ITPR2: variants seen among roughly 807,000 people sequenced by gnomAD.
ITPR2 encodes inositol 1,4,5-trisphosphate receptor type 2.
Under a neutral mutation model 317.1 loss-of-function variants are expected in ITPR2, and 207 were observed. The ratio of observed to expected loss-of-function variants is 0.65; its 90% CI spans 0.58 to 0.73. ITPR2 has a LOEUF of 0.73. ITPR2 is among the 30% of genes least tolerant of loss of function. The pLI is 0.00. For missense variants in ITPR2, 2,613 were observed against 3,284.0 expected, an observed-to-expected ratio of 0.80 and a Z score of 4.99; for synonymous variants, 1,156 against 1,149.1, an observed-to-expected ratio of 1.01 and a Z score of -0.12.
chr12:26,603,990 T>C (rs1946062207), intron 26 of ITPR2, among the ~76,000 whole-genome samples: 1 of 152,128 alleles, frequency 6.6e-6, no homozygotes, highest in Non-Finnish European at 1.5e-5. Context: ...AATGATGGTG[T>C]TAGGCGCTTG....
At chr12:26,610,905 CAAGAG>C (rs1946248567) in intron 26 of ITPR2, among the ~76,000 whole-genome samples, 1 of 152,218 alleles carries the variant, frequency 6.6e-6, no homozygotes, top group Admixed American at 6.5e-5. Context: ...CAAGCAACAG[CAAGAG>C]AAGAGAAGGC....
rs541622121 is a variant in ITPR2 at position 26,339,116 on chromosome 12, C to T, written c.*281G>A. 24 of 322,258 alleles carry T rather than the reference C, an allele frequency of 7.4e-5. No individual in the cohort carries two copies. The highest frequency in any genetic ancestry group is 2.0e-4 in the South Asian group (4 of 19,540). 20.0% of individuals were successfully genotyped at this position (322,258 alleles called of 1,614,324 possible). A position where few individuals can be genotyped will look rare whatever the true frequency, so the allele number is the denominator to read the frequency against. ...TGCCCCGTGTCTCCTTCCATCCTGCCGCTCCCTGCCCTCTCCAGCCTTTTG... is the reference window on the plus strand; with the variant it reads ...TGCCCCGTGTCTCCTTCCATCCTGCTGCTCCCTGCCCTCTCCAGCCTTTTG... On this transcript the variant is annotated 3_prime_UTR_variant, in exon 57 of 57. Coordinates refer to ENST00000381340, the MANE Select transcript of ITPR2 (RefSeq NM_002223.4).
chr12:26,470,442 A>G (rs999599680), intron 45 of ITPR2, among the ~76,000 whole-genome samples: 1 of 152,228 alleles, frequency 6.6e-6, no homozygotes, highest in Non-Finnish European at 1.5e-5. Flanking sequence ...ATGACTGACA[A>G]AGAGTTATTA....
intron 1 of ITPR2, among the ~76,000 whole-genome samples, chr12:26,795,683 T>C (rs1950423412): frequency 6.6e-6 from 1 of 152,074 alleles, no homozygotes; most frequent in Admixed American, 6.6e-5. Flanking sequence ...TAGAAGCATA[T>C]TATAAAAAGG....
At chr12:26,812,714 T>C (rs1344815286) in intron 1 of ITPR2, among the ~76,000 whole-genome samples, 1 of 152,234 alleles carries the variant, frequency 6.6e-6, no homozygotes, top group East Asian at 1.9e-4. Context: ...ACAAGAGAAG[T>C]GTTATCAGTA....
At chr12:26,526,859 G>A (rs1289326546) in intron 37 of ITPR2, among the ~76,000 whole-genome samples, 1 of 152,160 alleles carries the variant, frequency 6.6e-6, no homozygotes, top group African/African-American at 2.4e-5. Context: ...AAGAAATCAA[G>A]AATGACACCT....
chr12:26,489,619 C>A (rs1030676574), intron 39 of ITPR2, among the ~76,000 whole-genome samples: 1 of 152,122 alleles, frequency 6.6e-6, no homozygotes, highest in African/African-American at 2.4e-5. Flanking sequence ...AAGAACAGCG[C>A]CTTATATTTA....
chr12:26,827,865 T>C (rs1408380061), intron 1 of ITPR2, among the ~76,000 whole-genome samples: 3 of 152,214 alleles, frequency 2.0e-5, no homozygotes, highest in African/African-American at 7.2e-5. Context: ...GAATAAATTG[T>C]CACTAAATAT....
intron 26 of ITPR2, among the ~76,000 whole-genome samples, chr12:26,618,165 T>G (rs550101899): frequency 6.6e-6 from 1 of 152,320 alleles, no homozygotes; most frequent in South Asian, 2.1e-4. Context: ...TTAGAACCAT[T>G]CCCTTTAAAA....
intron 54 of ITPR2, among the ~76,000 whole-genome samples, chr12:26,393,312 C>T (rs544300932): frequency 6.6e-6 from 1 of 152,304 alleles, no homozygotes; most frequent in South Asian, 2.1e-4. Flanking sequence ...TAGCACAACC[C>T]CCAAATATCC....
intron 13 of ITPR2, among the ~76,000 whole-genome samples, chr12:26,670,201 C>T (rs1040883376): frequency 3.3e-5 from 5 of 152,252 alleles, no homozygotes; most frequent in Non-Finnish European, 5.9e-5. Flanking sequence ...AGCATTGGTT[C>T]TCCCAGCATG....
intron 26 of ITPR2, among the ~76,000 whole-genome samples, chr12:26,605,388 AT>A (rs11383259): frequency 6.6e-6 from 1 of 151,562 alleles, no homozygotes; most frequent in African/African-American, 2.4e-5. Context: ...AGGCCATTTC[AT>A]TTTTTTTCTG....
At chr12:26,355,751 C>T (rs932976982) in intron 55 of ITPR2, among the ~76,000 whole-genome samples, 2 of 152,136 alleles carry the variant, frequency 1.3e-5, no homozygotes, top group Non-Finnish European at 2.9e-5. Flanking sequence ...GTCTTTCATC[C>T]CTGGTCTCTC....
At chr12:26,441,497 A>G (rs1448290910) in intron 46 of ITPR2, among the ~76,000 whole-genome samples, 1 of 152,188 alleles carries the variant, frequency 6.6e-6, no homozygotes, top group African/African-American at 2.4e-5. Context: ...ATATTAAACT[A>G]ACAGAATAAC....
In ITPR2 at chr12:26,715,781, T is replaced by C. The variant is rs1355795763; in HGVS notation, c.679A>G (p.Ser227Gly). The change falls in exon 7 of 57, where the codon AGT becomes GGT. Residue 227 changes from serine (S) to glycine (G), a missense_variant. Ser to Gly is a moderately conservative substitution (Grantham distance 56). This residue lies in a region of ITPR2 where 515 missense variants were observed against 789.4 expected (regional missense o/e 0.65). Transcript: ENST00000381340. ...TTTAATACATCCTCTCGATAGGAAC[T>C]ATATTTCATGAATAAAGTGATTTTC... ...SWKITLFMKY[S>G]SYREDVLKGG... The C allele has an allele frequency of 6.8e-6, 11 of 1,608,900 alleles. No homozygotes were observed. Among genetic ancestry groups the C allele is most frequent in the Non-Finnish European group, 9.4e-6 (11 of 1,175,742 alleles).
chr12:26,665,999 T>C lies in ITPR2; in HGVS notation c.1462A>G (p.Asn488Asp). Residue 488 changes from asparagine to aspartate, a missense_variant, in exon 14 of 57, where the codon AAT becomes GAT. Transcript: ENST00000381340. ...ACATCCAGAACTTCTTGTCCATTAT[T>C]AGGCACATCAGCAACAAAGAATATG... Reference protein sequence around the residue: ...DLIFFVADVPNNGQEVLDVVI... With the variant: ...DLIFFVADVPDNGQEVLDVVI... The C allele has an allele frequency of 6.2e-7, 1 of 1,613,378 alleles. No individual in the cohort carries two copies. Among genetic ancestry groups the C allele is most frequent in the Non-Finnish European group, 8.5e-7 (1 of 1,179,380 alleles).
chr12:26,509,685 T>TA (rs1943279400), intron 37 of ITPR2, among the ~76,000 whole-genome samples: 1 of 152,122 alleles, frequency 6.6e-6, no homozygotes, highest in South Asian at 2.1e-4. Context: ...TAGGAGCCAA[T>TA]TTCCTTTTAA....
At position 26,597,782 on chromosome 12, in the gene ITPR2, C is replaced by A. The variant is rs34100828; in HGVS notation, c.4003-648G>T. 4.1e-3 allele frequency among the ~76,000 whole-genome samples: 622 copies of A among 152,204 alleles called. 2 individuals are homozygous for A. The highest frequency in any genetic ancestry group is 0.01 in the Admixed American group (155 of 15,300). On this transcript the variant is annotated intron_variant, in intron 30 of 56. Transcript: ENST00000381340. ...TTTAGTAGAAAATTCCATCAGGTGG[C>A]AGTTTTATTGTTCAAGCTCCATAGT...
chr12:26,382,556 T>C (rs1027814188), intron 55 of ITPR2, among the ~76,000 whole-genome samples: 7 of 152,044 alleles, frequency 4.6e-5, no homozygotes, highest in Non-Finnish European at 1.0e-4. Context: ...TCCCAGCTAC[T>C]TGGGAGGCTA....
Sources: gnomAD v4.1 joint callset for allele counts (sites outside exome capture counted in the v4.1 genomes callset) on GRCh38, gnomAD v4.1.1 for gene constraint, gnomAD v4.1.1 regional missense constraint, MANE v1.5 for transcripts, NCBI Gene and HGNC (gene_info 2026-07-23, HGNC 2026-07-21) for gene names.